TENM2: variants seen among roughly 807,000 people sequenced by gnomAD.
The protein encoded by TENM2 is teneurin-2.
Under a neutral mutation model 245.2 loss-of-function variants are expected in TENM2, and 52 were observed. That is an observed-to-expected ratio of 0.21 (90% confidence interval 0.17 to 0.27). The LOEUF is 0.27. Among genes scored for constraint, TENM2 ranks in the 10% least tolerant of loss-of-function variants. TENM2 has a pLI of 1.00. For synonymous variants in TENM2, 1,363 were observed against 1,438.9 expected, an observed-to-expected ratio of 0.95 and a Z score of 1.19; for missense variants, 3,046 against 3,666.8, an observed-to-expected ratio of 0.83 and a Z score of 4.37.
rs985525605 is a variant in TENM2, at chr5:167,594,161, A to C, written c.502+218688A>C. Among the ~76,000 whole-genome samples the C allele has an allele frequency of 2.0e-4, 31 of 152,196 alleles. 1 individual carries two copies. Among genetic ancestry groups the C allele is most frequent in the African/African-American group, 7.5e-4 (31 of 41,448 alleles). On this transcript the variant is annotated intron_variant, in intron 2 of 28. Transcript: ENST00000518659. The stretch of plus-strand genomic sequence containing the variant: ...CCTTAAATATGTCAGTGGATTGGAA[A>C]TCTGGCTTGATGCACCCACTACTAA...
At chr5:167,710,404 G>T (rs1019585188) in intron 2 of TENM2, among the ~76,000 whole-genome samples, 1 of 152,138 alleles carries the variant, frequency 6.6e-6, no homozygotes, top group African/African-American at 2.4e-5. Context: ...GCTGGGCAGA[G>T]GAGCCCTGGG....
chr5:167,144,025 A>T, the TENM2 span, among the ~76,000 whole-genome samples: 1 of 152,198 alleles, frequency 6.6e-6, no homozygotes, highest in Non-Finnish European at 1.5e-5. Flanking sequence ...TCATCAAGGC[A>T]GCTGTGCTGT....
rs1366458625 is a variant in TENM2, at chr5:168,070,814, AG to A, written c.1515+8550del. Among the ~76,000 whole-genome samples the A allele has an allele frequency of 4.2e-3, 564 of 135,390 alleles. 4 individuals carry two copies. The highest frequency in any genetic ancestry group is 0.013 in the African/African-American group (480 of 37,006). 88.8% of individuals were successfully genotyped at this position (135,390 alleles called of 152,430 possible). A position where few individuals can be genotyped will look rare whatever the true frequency, so the allele number is the denominator to read the frequency against. ...AAGAAAGAGAGAGAGAGAGAGAGAG[AG>A]AGAGAAAAAAAGAAAGAAGAAAAAG... On this transcript the variant is annotated intron_variant, in intron 7 of 28. Coordinates refer to ENST00000518659, the Ensembl canonical transcript of TENM2.
At chr5:168,109,290 G>A (rs1204695348) in intron 9 of TENM2, among the ~76,000 whole-genome samples, 2 of 152,216 alleles carry the variant, frequency 1.3e-5, no homozygotes, top group Non-Finnish European at 2.9e-5. Flanking sequence ...GACACCCTTG[G>A]CAAAGTCACT....
At chr5:168,186,998 A>C (rs1455362886) in intron 13 of TENM2, 1 of 152,248 alleles carries the variant, frequency 6.6e-6, no homozygotes, top group South Asian at 2.1e-4. Flanking sequence ...TGGCGGCTGC[A>C]GCCCATAATC....
chr5:168,004,545 A>G (rs1371550115), intron 5 of TENM2, among the ~76,000 whole-genome samples: 2 of 152,112 alleles, frequency 1.3e-5, no homozygotes, highest in East Asian at 1.9e-4. Context: ...ACACACACAC[A>G]CACACACACA....
intron 2 of TENM2, among the ~76,000 whole-genome samples, chr5:167,775,039 G>T (rs1022828352): frequency 3.9e-5 from 6 of 151,936 alleles, no homozygotes; most frequent in Admixed American, 1.3e-4. Flanking sequence ...GCGCAATCTC[G>T]GCTCACCGCA....
chr5:168,100,250 T>A (rs1378394288), intron 9 of TENM2, among the ~76,000 whole-genome samples: 1 of 152,140 alleles, frequency 6.6e-6, no homozygotes, highest in Non-Finnish European at 1.5e-5. Flanking sequence ...CTGGAGAGGA[T>A]CTGGAGAAAT....
intron 1 of TENM2, among the ~76,000 whole-genome samples, chr5:167,330,033 G>T (rs780313361): frequency 6.6e-6 from 1 of 152,094 alleles, no homozygotes; most frequent in South Asian, 2.1e-4. Flanking sequence ...CAAGTTCACT[G>T]GATTTTTAGA....
intron 1 of TENM2, among the ~76,000 whole-genome samples, chr5:167,311,060 A>C (rs1046277636): frequency 5.9e-5 from 9 of 152,126 alleles, no homozygotes; most frequent in Non-Finnish European, 1.2e-4. Context: ...TTACTTTGGG[A>C]AAATAGCATG....
At chr5:167,226,020 T>C in the TENM2 span, among the ~76,000 whole-genome samples, 1 of 152,014 alleles carries the variant, frequency 6.6e-6, no homozygotes, top group Admixed American at 6.6e-5. Flanking sequence ...GCATCCTTTT[T>C]GATTTATGAT....
intron 25 of TENM2, among the ~76,000 whole-genome samples, chr5:168,239,083 G>A (rs989740141): frequency 1.3e-5 from 2 of 152,118 alleles, no homozygotes; most frequent in African/African-American, 4.8e-5. Flanking sequence ...GAACATTGCA[G>A]CTAAATTAAA....
At chr5:168,141,683 G>T (rs1428576613) in intron 12 of TENM2, among the ~76,000 whole-genome samples, 1 of 152,162 alleles carries the variant, frequency 6.6e-6, no homozygotes. Flanking sequence ...AAGGTATATA[G>T]ATTTAAAAAG....
chr5:167,662,695 C>G (rs1178379682), intron 2 of TENM2, among the ~76,000 whole-genome samples: 1 of 152,166 alleles, frequency 6.6e-6, no homozygotes, highest in African/African-American at 2.4e-5. Context: ...GTTTTGTTCA[C>G]CATTGTTTCT....
the TENM2 span, among the ~76,000 whole-genome samples, chr5:167,044,101 G>A: frequency 6.6e-6 from 1 of 152,106 alleles, no homozygotes; most frequent in Non-Finnish European, 1.5e-5. Context: ...TCTAAGGACA[G>A]TGAAGACGGT....
intron 12 of TENM2, among the ~76,000 whole-genome samples, chr5:168,142,181 A>G (rs1755613642): frequency 6.6e-6 from 1 of 152,270 alleles, no homozygotes; most frequent in Non-Finnish European, 1.5e-5. Context: ...GGGAGGCCCA[A>G]GTAGACAGAG....
chr5:167,753,654 A>G (rs966468271), intron 2 of TENM2, among the ~76,000 whole-genome samples: 1 of 152,196 alleles, frequency 6.6e-6, no homozygotes, highest in African/African-American at 2.4e-5. Context: ...GCCTAAAATC[A>G]CACAGTTAGT....
intron 5 of TENM2, among the ~76,000 whole-genome samples, chr5:167,997,625 G>T (rs2056756710): frequency 6.6e-6 from 1 of 152,142 alleles, no homozygotes; most frequent in Admixed American, 6.5e-5. Flanking sequence ...AACAGGTATG[G>T]CTGTGCACCC....
intron 9 of TENM2, among the ~76,000 whole-genome samples, chr5:168,105,788 G>A (rs999899945): frequency 6.6e-6 from 1 of 152,208 alleles, no homozygotes. Flanking sequence ...TACTATTCAA[G>A]TTATTGTTTA....
Sources: allele counts gnomAD v4.1 joint callset (sites outside exome capture counted in the v4.1 genomes callset), GRCh38; gene constraint gnomAD v4.1.1; transcripts MANE v1.5; gene names NCBI Gene and HGNC (gene_info 2026-07-23, HGNC 2026-07-21).